STX1B: variants seen among roughly 807,000 people sequenced by gnomAD.
STX1B encodes syntaxin 1B.
A neutral mutation model predicts 39.4 loss-of-function variants in STX1B; 7 were observed. That is an observed-to-expected ratio of 0.18 (90% CI 0.10 to 0.33). The LOEUF (loss-of-function observed/expected upper bound fraction) is 0.33, where lower values mean the gene tolerates loss of function less well. Ranked by LOEUF, STX1B falls within the 10% of genes least tolerant of loss-of-function variation. The probability of loss-of-function intolerance (pLI) is 1.00; values close to 1 mark genes in which losing one functional copy is unlikely to be tolerated. For missense variants in STX1B, 198 were observed against 383.2 expected (o/e 0.52, Z 4.04); for synonymous variants, 136 against 144.1 (o/e 0.94, Z 0.40).
chr16:31,007,674 G>T (rs1339436956), intron 1 of STX1B, among the ~76,000 whole-genome samples: 1 of 152,014 alleles, frequency 6.6e-6, no homozygotes, highest in East Asian at 1.9e-4. Context: ...ACCCCCTCTG[G>T]CCCTCAATGT....
intron 7 of STX1B, chr16:30,996,136 C>T (rs2056590405): frequency 1.3e-5 from 2 of 151,584 alleles, no homozygotes; most frequent in African/African-American, 4.9e-5. Flanking sequence ...AATCTCGCCA[C>T]TGTACTCCAG....
intron 5 of STX1B, 99 bp from the exon 6 acceptor site, chr16:30,997,158 T>C: frequency 1.3e-6 from 1 of 795,640 alleles, no homozygotes. Context: ...AGGCAGTGCA[T>C]GGGCGGAATA....
At position 30,993,403 on chromosome 16, in the gene STX1B, T is replaced by C; in HGVS notation, c.619A>G (p.Ser207Gly). 1 of 1,614,144 alleles carries C rather than the reference T, an allele frequency of 6.2e-7. No homozygotes were observed. The highest frequency in any genetic ancestry group is 1.7e-5 in the Admixed American group (1 of 60,014). The change falls in exon 8 of 10, where the codon AGC becomes GGC. Residue 207 changes from serine to glycine, a missense_variant. By Grantham distance (56) the Ser-to-Gly change is moderately conservative. Coordinates refer to ENST00000215095, the MANE Select transcript of STX1B (RefSeq NM_052874.5). ...AACATATCGTGCAGCTCGCGGATGC[T>C]GGTCTCCAGCTTGATGATCTCATTG... ...RHNEIIKLET[S>G]IRELHDMFVD...
chr16:30,997,581 G>A lies in STX1B; in HGVS notation c.281-6C>T, dbSNP rs1187743572. The A allele has an allele frequency of 6.2e-7, 1 of 1,605,678 alleles. No individual in the cohort carries two copies. The highest frequency in any genetic ancestry group is 8.5e-7 in the Non-Finnish European group (1 of 1,176,896). On this transcript the variant is annotated splice_region_variant and splice_polypyrimidine_tract_variant and intron_variant, in intron 4 of 9. Coordinates refer to ENST00000215095, the MANE Select transcript of STX1B (RefSeq NM_052874.5). ...TTCAATGCTTTGCTCGATCGCTGCGGGAGAGAGGGCGCAGCGATGGGCGGG... is the reference window on the plus strand; with the variant it reads ...TTCAATGCTTTGCTCGATCGCTGCGAGAGAGAGGGCGCAGCGATGGGCGGG...
Position 30,990,333 on chromosome 16 carries a change from T to A in STX1B, c.*2488A>T, listed in dbSNP as rs904020732. 1 of 152,280 alleles carries A rather than the reference T, an allele frequency of 6.6e-6. No individual in the cohort carries two copies. Among genetic ancestry groups the A allele is most frequent in the Admixed American group, 6.5e-5 (1 of 15,272 alleles). The allele number at this position is 152,280 out of a possible 1,614,324, so 9.4% of individuals were successfully genotyped here. A position where few individuals can be genotyped will look rare whatever the true frequency, so the allele number is the denominator to read the frequency against. On this transcript the variant is annotated 3_prime_UTR_variant, in exon 10 of 10. Coordinates refer to ENST00000215095, the MANE Select transcript of STX1B (RefSeq NM_052874.5). ...GGCCGTGGCCAGACTTGGGGCAGAC[T>A]TCCTGTCCTGCAGAGGGGCGTTCTG...
chr16:30,997,402 CACG>C, intron 5 of STX1B, 97 bp downstream of exon 5: 1 of 1,103,260 alleles, frequency 9.1e-7, no homozygotes, highest in Non-Finnish European at 1.3e-6. Context: ...CCTCCCTGAC[CACG>C]CCCCCGCCGG....
At position 31,010,458 on chromosome 16, in the gene STX1B, C is replaced by A. The variant is rs1596724038; in HGVS notation, c.-62G>T. 2 of 1,290,104 alleles carry A rather than the reference C, an allele frequency of 1.6e-6. No homozygotes were observed. The highest frequency in any genetic ancestry group is 2.7e-5 in the Admixed American group (1 of 36,466). 79.9% of individuals were successfully genotyped at this position (1,290,104 alleles called of 1,614,324 possible). ...GCCTCTGCTGCTGCTCCGGGTCTCC[C>A]GCCTCTGTGCCGGAGGCCGGGGTCT... On this transcript the variant is annotated 5_prime_UTR_variant, in exon 1 of 10. Transcript: ENST00000215095.
chr16:31,006,745 G>A (rs1055368239), intron 1 of STX1B, among the ~76,000 whole-genome samples: 2 of 152,166 alleles, frequency 1.3e-5, no homozygotes, highest in Non-Finnish European at 2.9e-5. Flanking sequence ...AGAGGGAACA[G>A]CATGCTGGGC....
At chr16:30,999,793 C>A (rs1440443471) in intron 4 of STX1B, among the ~76,000 whole-genome samples, 3 of 152,138 alleles carry the variant, frequency 2.0e-5, no homozygotes, top group Non-Finnish European at 4.4e-5. Flanking sequence ...TTCTGGTGAA[C>A]CTTCATGCTG....
At chr16:31,009,880 G>GCA (rs146170267) in intron 1 of STX1B, among the ~76,000 whole-genome samples, 146 of 151,632 alleles carry the variant, frequency 9.6e-4, no homozygotes, top group African/African-American at 1.7e-3. Context: ...ACACGCGTGT[G>GCA]CACACACACA....
intron 4 of STX1B, among the ~76,000 whole-genome samples, chr16:30,998,135 G>A (rs187128785): frequency 1.3e-5 from 2 of 152,342 alleles, no homozygotes; most frequent in African/African-American, 2.4e-5. Flanking sequence ...GGTGATCCCC[G>A]ATCCGGGAAT....
chr16:30,993,290 G>A (rs569534709), intron 8 of STX1B, 50 bp from the exon 9 acceptor site: 1 of 1,613,534 alleles, frequency 6.2e-7, no homozygotes, highest in Admixed American at 1.7e-5. Flanking sequence ...TGGGCTGGAA[G>A]AGGGGACCTC....
At chr16:30,995,722 C>T (rs1032066376) in intron 7 of STX1B, among the ~76,000 whole-genome samples, 5 of 152,010 alleles carry the variant, frequency 3.3e-5, no homozygotes, top group African/African-American at 1.2e-4. Flanking sequence ...AACTCCTGAC[C>T]TCAGGTGATC....
intron 7 of STX1B, among the ~76,000 whole-genome samples, chr16:30,995,279 C>T (rs1339373035): frequency 6.6e-6 from 1 of 151,858 alleles, no homozygotes; most frequent in Admixed American, 6.6e-5. Flanking sequence ...CACCGGGCTG[C>T]TCAATGCGTT....
In STX1B at chr16:31,010,492, C is replaced by T. The variant is rs563163290; in HGVS notation, c.-96G>A. The stretch of plus-strand genomic sequence containing the variant: ...GCCGGAGGCCGGGGTCTGGGGGCGC[C>T]GGGGGGCGCCGCGGCCGCTGCGGGG... On this transcript the variant is annotated 5_prime_UTR_variant, in exon 1 of 10. Transcript: ENST00000215095. 8.3e-6 allele frequency: 5 copies of T among 605,772 alleles called. No homozygotes were observed. In the East Asian group the frequency reaches 2.1e-4, roughly 25 times the overall value. The allele number at this position is 605,772 out of a possible 1,614,324, so 37.5% of individuals were successfully genotyped here.
chr16:31,008,265 C>G (rs920748967), intron 1 of STX1B, among the ~76,000 whole-genome samples: 2 of 123,842 alleles, frequency 1.6e-5, no homozygotes, highest in African/African-American at 6.0e-5. Flanking sequence ...CTCCAGTTTC[C>G]CTGAGCTGTG....
At chr16:31,002,223 G>C (rs1339026174) in intron 1 of STX1B, among the ~76,000 whole-genome samples, 1 of 151,820 alleles carries the variant, frequency 6.6e-6, no homozygotes, top group African/African-American at 2.4e-5. Context: ...CCTCGCAGTG[G>C]ATTCACTTGC....
Position 31,001,238 on chromosome 16 carries a change from A to G in STX1B, c.106-45T>C. 6.3e-7 allele frequency: 1 copy of G among 1,590,112 alleles called. No individual in the cohort carries two copies. Among genetic ancestry groups the G allele is most frequent in the Non-Finnish European group, 8.6e-7 (1 of 1,163,108 alleles). On this transcript the variant is annotated intron_variant, in intron 2 of 9. Transcript: ENST00000215095. The surrounding 1 kb of genome is among the most constrained non-coding windows in gnomAD (Gnocchi z 5.5). Reference sequence around the variant, plus strand: ...ATACCCAGCCAAGCTGTCAGGCCAAACAACGGGTTCCAGGGGAACCAGCCA... The same window carrying G: ...ATACCCAGCCAAGCTGTCAGGCCAAGCAACGGGTTCCAGGGGAACCAGCCA...
At chr16:30,995,528 G>C (rs1012228830) in intron 7 of STX1B, among the ~76,000 whole-genome samples, 2 of 149,680 alleles carry the variant, frequency 1.3e-5, no homozygotes, top group Middle Eastern at 3.5e-3. Flanking sequence ...GTGTCAGTCT[G>C]TTGCCCAGGC....
Sources: gnomAD v4.1 joint callset for allele counts (sites outside exome capture counted in the v4.1 genomes callset) on GRCh38, gnomAD v4.1.1 for gene constraint, Gnocchi (gnomAD v3.1) non-coding constraint, MANE v1.5 for transcripts, NCBI Gene and HGNC (gene_info 2026-07-23, HGNC 2026-07-21) for gene names.